The following TET1 variants were observed in gnomAD, a reference collection of about 807,000 sequenced individuals.
TET1 encodes methylcytosine dioxygenase TET1.
A neutral mutation model predicts 148.7 loss-of-function variants in TET1; 13 were observed. That is an observed-to-expected ratio of 0.09 (90% CI 0.06 to 0.14). The LOEUF (loss-of-function observed/expected upper bound fraction) is 0.14, where lower values mean the gene tolerates loss of function less well. TET1 is among the 10% of genes least tolerant of loss of function. TET1 has a pLI of 1.00. For missense variants in TET1, 2,182 were observed against 2,553.8 expected (o/e 0.85, Z 3.14); for synonymous variants, 907 against 937.2 (o/e 0.97, Z 0.59).
At chr10:68,687,662 C>T (rs572600962) in intron 11 of TET1, among the ~76,000 whole-genome samples, 1 of 152,264 alleles carries the variant, frequency 6.6e-6, no homozygotes, top group African/African-American at 2.4e-5. Context: ...GATCATGGCT[C>T]ACCACAGCCT....
rs753283699 is a variant in TET1 at position 68,572,810 on chromosome 10, G to C, written c.472G>C (p.Val158Leu). The C allele has an allele frequency of 3.7e-6, 6 of 1,613,980 alleles. No homozygotes were observed. Among genetic ancestry groups the C allele is most frequent in the African/African-American group, 1.3e-5 (1 of 74,910 alleles). The change falls in exon 2 of 12, where the codon GTT (valine) becomes CTT (leucine). Residue 158 changes from valine to leucine, a missense_variant. This residue lies in a region of TET1 where 665 missense variants were observed against 672.4 expected (regional missense o/e 0.99). Coordinates refer to ENST00000373644, the MANE Select transcript of TET1 (RefSeq NM_030625.3). ...LGVKHSENDS[V>L]PMQDTQVLPD... ...AGTAAAGCACTCAGAAAATGATTCG[G>C]TTCCAATGCAAGACACCCAAGTCCT...
intron 6 of TET1, among the ~76,000 whole-genome samples, chr10:68,656,167 A>G (rs1025846859): frequency 6.6e-6 from 1 of 152,178 alleles, no homozygotes; most frequent in Admixed American, 6.5e-5. Context: ...TTACTTTATT[A>G]TATATTACAA....
intron 3 of TET1, among the ~76,000 whole-genome samples, chr10:68,616,940 C>T (rs2132949544): frequency 6.8e-6 from 1 of 147,552 alleles, no homozygotes; most frequent in South Asian, 2.1e-4. Flanking sequence ...ATCTCCTGAC[C>T]TCGTGATCCA....
intron 7 of TET1, among the ~76,000 whole-genome samples, chr10:68,668,128 G>C (rs2055219257): frequency 1.3e-5 from 2 of 152,100 alleles, no homozygotes; most frequent in Non-Finnish European, 2.9e-5. Flanking sequence ...TTTTTGCAGA[G>C]AATTCCTCCA....
chr10:68,580,309 T>G (rs1274846901), intron 2 of TET1, among the ~76,000 whole-genome samples: 1 of 140,392 alleles, frequency 7.1e-6, no homozygotes, highest in Non-Finnish European at 1.5e-5. Flanking sequence ...TTTTATTATA[T>G]TCAATTTTTT....
chr10:68,596,194 C>G (rs189649141), intron 2 of TET1, among the ~76,000 whole-genome samples: 127 of 150,944 alleles, frequency 8.4e-4, no homozygotes, highest in Non-Finnish European at 1.5e-3. Context: ...CACGTGCCAC[C>G]ATGCCCAGCG....
At chr10:68,640,540 C>CTTTTTTTT (rs2054731047) in intron 3 of TET1, among the ~76,000 whole-genome samples, 1 of 73,614 alleles carries the variant, frequency 1.4e-5, no homozygotes, top group East Asian at 3.8e-4. Context: ...TTCTTTCTTT[C>CTTTTTTTT]TTTCTTTTTT....
chr10:68,572,735 G>T lies in TET1; in HGVS notation c.397G>T (p.Gly133Cys). The change falls in exon 2 of 12, where the codon GGT becomes TGT. Residue 133 changes from glycine to cysteine, a missense_variant. Around this residue, in one of 11 missense-constraint regions of TET1, gnomAD observed 665 missense variants for 672.4 expected, o/e 0.99. Transcript: ENST00000373644. ...ATCCAAAAAGGTTCCACTTTCTAAGGGTTTAGAAAAGCAACATGATTGTGA... is the reference window on the plus strand; with the variant it reads ...ATCCAAAAAGGTTCCACTTTCTAAGTGTTTAGAAAAGCAACATGATTGTGA... ...AKSKKVPLSKGLEKQHDCDYK... is the reference protein window; with the variant it reads ...AKSKKVPLSKCLEKQHDCDYK... 1 of 1,614,038 alleles carries T rather than the reference G, an allele frequency of 6.2e-7. No individual in the cohort carries two copies. The highest frequency in any genetic ancestry group is 2.2e-5 in the East Asian group (1 of 44,880).
At chr10:68,623,352 A>G (rs2054403309) in intron 3 of TET1, among the ~76,000 whole-genome samples, 2 of 152,206 alleles carry the variant, frequency 1.3e-5, no homozygotes, top group Admixed American at 1.3e-4. Context: ...GCTATAAACT[A>G]TTACTGACAA....
At chr10:68,631,747 C>G (rs1420794043) in intron 3 of TET1, among the ~76,000 whole-genome samples, 1 of 152,114 alleles carries the variant, frequency 6.6e-6, no homozygotes, top group Non-Finnish European at 1.5e-5. Flanking sequence ...TAAATAAATA[C>G]TCGGTATTCT....
At position 68,572,554 on chromosome 10, in the gene TET1, C is replaced by A. The variant is rs2053681902; in HGVS notation, c.216C>A (p.Ser72Arg). ...CTAAACCACCCGTGCCAGTCAGAAG[C>A]CTTCTGACAAGAGCTGGAGCAGCAC... ...TEPKPPVPVR[S>R]LLTRAGAARM... The change falls in exon 2 of 12, where the codon AGC becomes AGA. Residue 72 changes from serine to arginine, a missense_variant. Physicochemically the swap from Ser to Arg is moderately radical, Grantham distance 110 (BLOSUM62 -1). Around this residue, in one of 11 missense-constraint regions of TET1, gnomAD observed 665 missense variants for 672.4 expected, o/e 0.99. Coordinates refer to ENST00000373644, the MANE Select transcript of TET1 (RefSeq NM_030625.3). The A allele has an allele frequency of 2.5e-6, 4 of 1,613,878 alleles. No homozygotes were observed. In the African/African-American group the frequency reaches 4.0e-5, roughly 16 times the overall value.
chr10:68,577,418 G>A lies in TET1; in HGVS notation c.1914+3166G>A, dbSNP rs190406435. On this transcript the variant is annotated intron_variant, in intron 2 of 11. Transcript: ENST00000373644. ...TTGGCTGCTTGTGGCACTTCGAGAG[G>A]CTGAGGGGAGAGGATTACTTGAGGC... 2.4e-4 allele frequency among the ~76,000 whole-genome samples: 37 copies of A among 152,312 alleles called. No individual in the cohort carries two copies. The East Asian group carries it at 6.2e-3, about 25-fold the overall frequency.
chr10:68,560,943 G>A (rs539319066), intron 1 of TET1, among the ~76,000 whole-genome samples: 1 of 152,306 alleles, frequency 6.6e-6, no homozygotes, highest in African/African-American at 2.4e-5. Flanking sequence ...CGCTTTTGTT[G>A]CCGGAGATAA....
chr10:68,669,419 T>A (rs2055239068), intron 7 of TET1, among the ~76,000 whole-genome samples: 1 of 149,676 alleles, frequency 6.7e-6, no homozygotes, highest in East Asian at 2.0e-4. Context: ...CACGCCATTC[T>A]CCTGTCTCAG....
intron 3 of TET1, among the ~76,000 whole-genome samples, chr10:68,614,109 T>C (rs907595520): frequency 4.6e-5 from 7 of 152,200 alleles, no homozygotes; most frequent in East Asian, 1.9e-4. Context: ...GAACTGAAGA[T>C]TGGAACATTT....
chr10:68,629,875 G>T (rs1473193292), intron 3 of TET1, among the ~76,000 whole-genome samples: 1 of 152,036 alleles, frequency 6.6e-6, no homozygotes, highest in African/African-American at 2.4e-5. Context: ...TGGTTCTGTT[G>T]GTCAGTGCTT....
rs755409734 is a variant in TET1 at position 68,645,084 on chromosome 10, A to G, written c.2355A>G (p.Thr785=). ...TCAATATTGAAGAATTCGGCAAGAC[A>G]TTGGAAAACAATTCTTATAAATTCC... ...KKFNIEEFGK[T]LENNSYKFLK... The change falls in exon 4 of 12, where the codon ACA becomes ACG. Residue 785 remains threonine (T), a synonymous_variant. Coordinates refer to ENST00000373644, the MANE Select transcript of TET1 (RefSeq NM_030625.3). The G allele has an allele frequency of 6.2e-6, 10 of 1,612,142 alleles. No homozygotes were observed. In the South Asian group the frequency reaches 1.1e-4, roughly 18 times the overall value.
chr10:68,684,608 G>A (rs980350485), intron 10 of TET1, among the ~76,000 whole-genome samples: 59 of 152,070 alleles, frequency 3.9e-4, no homozygotes, highest in Middle Eastern at 3.4e-3. Flanking sequence ...TCTTCTCTGC[G>A]CTCTTTGACT....
intron 2 of TET1, among the ~76,000 whole-genome samples, chr10:68,577,399 G>T (rs1355304471): frequency 6.6e-6 from 1 of 152,202 alleles, no homozygotes; most frequent in African/African-American, 2.4e-5. Flanking sequence ...GATTTTGGCT[G>T]CTTGTGGCAC....
Sources: allele counts gnomAD v4.1 joint callset (sites outside exome capture counted in the v4.1 genomes callset), GRCh38; gene constraint gnomAD v4.1.1; regional missense constraint gnomAD v4.1.1; transcripts MANE v1.5; gene names NCBI Gene and HGNC (gene_info 2026-07-23, HGNC 2026-07-21).